The following COL4A5 variants were observed in gnomAD, a reference collection of about 807,000 sequenced individuals.
COL4A5 encodes collagen alpha-5(IV) chain.
COL4A5 carries 26 observed loss-of-function variants against 130.2 expected under a neutral mutation model. The observed-to-expected ratio is 0.20, with a 90% CI of 0.15 to 0.28. The LOEUF is 0.28. Among genes scored for constraint, COL4A5 ranks in the 10% least tolerant of loss-of-function variants. The probability of loss-of-function intolerance (pLI) is 1.00; values close to 1 mark genes in which losing one functional copy is unlikely to be tolerated. For synonymous variants in COL4A5, 496 were observed against 439.6 expected (o/e 1.13, Z -1.60); for missense variants, 1,131 against 1,344.3 (o/e 0.84, Z 2.48).
chrX:108,481,376 C>A (rs1343667301), intron 1 of COL4A5, among the ~76,000 whole-genome samples: 2 of 111,398 alleles, frequency 1.8e-5, no homozygotes, highest in Non-Finnish European at 3.8e-5. Context: ...CAAGGGGACC[C>A]AGCCTCCCCT....
intron 33 of COL4A5, among the ~76,000 whole-genome samples, chrX:108,623,507 A>G (rs2067096832): frequency 8.9e-6 from 1 of 112,204 alleles, no homozygotes; most frequent in African/African-American, 3.2e-5. Flanking sequence ...ATGGATAAGC[A>G]TAAATCATTA....
At chrX:108,551,395 G>A (rs1308786643) in intron 2 of COL4A5, among the ~76,000 whole-genome samples, 3 of 111,834 alleles carry the variant, frequency 2.7e-5, no homozygotes, top group African/African-American at 9.7e-5. Context: ...CAACAAATAT[G>A]TGAAAAAATT....
At chrX:108,451,562 T>C (rs760619704) in intron 1 of COL4A5, among the ~76,000 whole-genome samples, 14 of 111,018 alleles carry the variant, frequency 1.3e-4, no homozygotes, top group African/African-American at 2.3e-4. Flanking sequence ...TGGTATCTCA[T>C]TGTGGTTTTG....
Position 108,681,840 on chromosome X carries a change from C to T in COL4A5, c.4168C>T (p.Pro1390Ser). ...TGGTCCTCCAGGAATCCCTGGCCAG[C>T]CTGGGCTAAAGGGTCTACCAGGACC... The part of the protein sequence containing the change: ...DAGPPGIPGQ[P>S]GLKGLPGPQG... The change falls in exon 47 of 53, where the codon CCT becomes TCT. Residue 1390 changes from proline (P) to serine (S), a missense_variant. Pro to Ser is a moderately conservative substitution (Grantham distance 74). Transcript: ENST00000328300. The T allele has an allele frequency of 8.3e-7, 1 of 1,210,355 alleles. No individual in the cohort carries two copies. Among genetic ancestry groups the T allele is most frequent in the South Asian group, 1.8e-5 (1 of 56,932 alleles).
At chrX:108,630,529 A>G (rs1168760735) in intron 36 of COL4A5, among the ~76,000 whole-genome samples, 4 of 111,690 alleles carry the variant, frequency 3.6e-5, no homozygotes, top group Non-Finnish European at 7.5e-5. Flanking sequence ...AAATTTGTTT[A>G]AGTTCTTTGT....
chrX:108,696,318 G>A lies in COL4A5; in HGVS notation c.5016G>A (p.Leu1672=), dbSNP rs140088494. ...DMFSKPQSET[L]KAGDLRTRIS... ...CCAGTAAACCTCAGTCAGAAACGCT[G>A]AAAGCAGGAGACTTGAGGACACGAA... is the stretch of plus-strand genomic sequence containing the variant. The change falls in exon 53 of 53, where the codon CTG becomes CTA. Residue 1672 remains leucine (L), a synonymous_variant. Transcript: ENST00000328300. The A allele has an allele frequency of 1.2e-5, 14 of 1,207,912 alleles. No individual in the cohort carries two copies. In the African/African-American group the frequency reaches 2.3e-4, roughly 20 times the overall value.
At chrX:108,442,703 T>C (rs1221597087) in intron 1 of COL4A5, among the ~76,000 whole-genome samples, 1 of 111,609 alleles carries the variant, frequency 9.0e-6, no homozygotes, top group Non-Finnish European at 1.9e-5. Flanking sequence ...CATGAAACAC[T>C]TCATCCTCTA....
Position 108,580,582 on chromosome X carries a change from C to T in COL4A5, c.830C>T (p.Pro277Leu), listed in dbSNP as rs754849522. 3 of 1,208,633 alleles carry T rather than the reference C, an allele frequency of 2.5e-6. No individual in the cohort carries two copies. Among genetic ancestry groups the T allele is most frequent in the Admixed American group, 2.2e-5 (1 of 45,984 alleles). The change falls in exon 14 of 53, where the codon CCT becomes CTT. Residue 277 changes from proline (P) to leucine (L), a missense_variant. By Grantham distance (98) the Pro-to-Leu change is moderately conservative. Transcript: ENST00000328300. Reference protein sequence around the residue: ...GPPGPPGIRGPPGPPGGEKGE... With the variant: ...GPPGPPGIRGLPGPPGGEKGE... Reference sequence around the variant, plus strand: ...CCTGGACCTCCAGGGATACGTGGTCCTCCAGTAAGTACCTAAAGTGCTTTA... The same window carrying T: ...CCTGGACCTCCAGGGATACGTGGTCTTCCAGTAAGTACCTAAAGTGCTTTA...
intron 3 of COL4A5, 140 bp downstream of exon 3, chrX:108,559,293 T>A (rs893497442): frequency 1.7e-5 from 9 of 524,510 alleles, no homozygotes; most frequent in African/African-American, 4.6e-5. Context: ...TGACGGGGAG[T>A]CTGTACTTTA....
chrX:108,673,793 G>A (rs1045139204), intron 42 of COL4A5, among the ~76,000 whole-genome samples: 3 of 108,981 alleles, frequency 2.8e-5, no homozygotes, highest in Non-Finnish European at 5.7e-5. Context: ...TGTAATCCCA[G>A]CACTTTGGGA....
At chrX:108,556,892 A>G (rs2065830316) in intron 2 of COL4A5, among the ~76,000 whole-genome samples, 1 of 111,042 alleles carries the variant, frequency 9.0e-6, no homozygotes, top group Admixed American at 9.7e-5. Flanking sequence ...CTTTACTATA[A>G]TATTGCTCAC....
At chrX:108,473,182 A>G (rs2064791087) in intron 1 of COL4A5, among the ~76,000 whole-genome samples, 1 of 111,962 alleles carries the variant, frequency 8.9e-6, no homozygotes, top group Non-Finnish European at 1.9e-5. Context: ...AATTATTTAT[A>G]GTATGTAATA....
intron 10 of COL4A5, among the ~76,000 whole-genome samples, chrX:108,576,999 C>T (rs2147767735): frequency 9.0e-6 from 1 of 111,439 alleles, no homozygotes; most frequent in African/African-American, 3.3e-5. Context: ...CCATTGTGGC[C>T]ACTTAACCGA....
At chrX:108,687,363 A>T (rs1465901758) in intron 48 of COL4A5, 119 bp from the exon 49 acceptor site, 1 of 625,686 alleles carries the variant, frequency 1.6e-6, no homozygotes, top group African/African-American at 2.2e-5. Context: ...GCCTTTATAG[A>T]CACTCTATAA....
intron 28 of COL4A5, 85 bp downstream of exon 28, chrX:108,603,146 T>G: frequency 1.7e-6 from 1 of 599,241 alleles, no homozygotes; most frequent in African/African-American, 2.2e-5. Flanking sequence ...GACTCAGATA[T>G]CATCCCAAGC....
chrX:108,538,289 G>T (rs16985510), intron 1 of COL4A5, among the ~76,000 whole-genome samples: 1 of 111,700 alleles, frequency 9.0e-6, no homozygotes, highest in Non-Finnish European at 1.9e-5. Flanking sequence ...TGTAGTTAGC[G>T]TAAAATACTA....
chrX:108,587,813 TA>T (rs2066361556), intron 19 of COL4A5, among the ~76,000 whole-genome samples: 1 of 111,193 alleles, frequency 9.0e-6, no homozygotes, highest in African/African-American at 3.3e-5. Context: ...ATAGCCATAT[TA>T]ACTGGGGTAT....
At chrX:108,673,281 CAA>C (rs1569506443) in intron 42 of COL4A5, among the ~76,000 whole-genome samples, 1 of 111,464 alleles carries the variant, frequency 9.0e-6, no homozygotes, top group Non-Finnish European at 1.9e-5. Flanking sequence ...TTGAATTGCC[CAA>C]AGTCATATAG....
chrX:108,684,646 G>A (rs1323780646), intron 47 of COL4A5, among the ~76,000 whole-genome samples: 1 of 112,478 alleles, frequency 8.9e-6, no homozygotes, highest in Non-Finnish European at 1.9e-5. Context: ...AGGACCAGAC[G>A]GCTTCACAGC....
Sources: allele counts gnomAD v4.1 joint callset (sites outside exome capture counted in the v4.1 genomes callset), GRCh38; gene constraint gnomAD v4.1.1; transcripts MANE v1.5; gene names NCBI Gene and HGNC (gene_info 2026-07-23, HGNC 2026-07-21).